B3GAT2: variants seen among roughly 807,000 people sequenced by gnomAD.
B3GAT2 encodes beta-1,3-glucuronyltransferase 2, also known as galactosylgalactosylxylosylprotein 3-beta-glucuronosyltransferase 2.
In B3GAT2, 26 loss-of-function variants were observed where a neutral mutation model predicts 27.8. That is an observed-to-expected ratio of 0.93 (90% confidence interval 0.68 to 1.30). The LOEUF (loss-of-function observed/expected upper bound fraction) is 1.30. B3GAT2 is among the 50% of genes most tolerant of loss of function. B3GAT2 has a pLI of 0.00. For missense variants in B3GAT2, 458 were observed against 459.0 expected, an observed-to-expected ratio of 1.00 and a Z score of 0.02; for synonymous variants, 218 against 195.1, an observed-to-expected ratio of 1.12 and a Z score of -0.98.
intron 1 of B3GAT2, among the ~76,000 whole-genome samples, chr6:70,945,331 T>A (rs1253771702): frequency 6.6e-6 from 1 of 151,936 alleles, no homozygotes; most frequent in African/African-American, 2.4e-5. Context: ...TTGAAAAAAA[T>A]TTAGACGAAT....
At chr6:70,914,670 A>G (rs1464954952) in intron 1 of B3GAT2, among the ~76,000 whole-genome samples, 1 of 152,090 alleles carries the variant, frequency 6.6e-6, no homozygotes, top group Non-Finnish European at 1.5e-5. Flanking sequence ...TTACTAGTAA[A>G]CTGCCTGACA....
At chr6:70,935,115 G>A (rs532529797) in intron 1 of B3GAT2, among the ~76,000 whole-genome samples, 37 of 151,840 alleles carry the variant, frequency 2.4e-4, no homozygotes, top group Non-Finnish European at 5.0e-4. Context: ...AAATTCTGAG[G>A]AGGAATGAAG....
chr6:70,943,835 G>A (rs554182367), intron 1 of B3GAT2, among the ~76,000 whole-genome samples: 1 of 152,050 alleles, frequency 6.6e-6, no homozygotes, highest in African/African-American at 2.4e-5. Flanking sequence ...TTTGGTCAAA[G>A]GATACAAAAT....
intron 2 of B3GAT2, among the ~76,000 whole-genome samples, chr6:70,871,222 G>GTT (rs11367700): frequency 1.5e-5 from 1 of 65,630 alleles, no homozygotes; most frequent in Non-Finnish European, 3.7e-5. Context: ...TTTTTTTTTT[G>GTT]TTTTTTTTTT....
At chr6:70,895,495 A>ATTTTTT (rs59066944) in intron 1 of B3GAT2, among the ~76,000 whole-genome samples, 2 of 76,614 alleles carry the variant, frequency 2.6e-5, no homozygotes, top group African/African-American at 6.0e-5. Context: ...CAAAAAGGGG[A>ATTTTTT]TTTTTTTTTT....
At chr6:70,922,679 G>T (rs2881682) in intron 1 of B3GAT2, among the ~76,000 whole-genome samples, 19,061 of 151,834 alleles carry the variant, frequency 0.13, 2,235 homozygotes, top group African/African-American at 0.31. Flanking sequence ...AATGCCTAGG[G>T]TGAAGTGTAA....
chr6:70,924,236 T>G (rs1481629025), intron 1 of B3GAT2, among the ~76,000 whole-genome samples: 2 of 152,000 alleles, frequency 1.3e-5, no homozygotes, highest in African/African-American at 2.4e-5. Context: ...CTAAAAACTA[T>G]GAAACACTGG....
At chr6:70,925,479 C>T (rs907356266) in intron 1 of B3GAT2, among the ~76,000 whole-genome samples, 1 of 152,198 alleles carries the variant, frequency 6.6e-6, no homozygotes, top group Non-Finnish European at 1.5e-5. Context: ...TCTTAGCAAA[C>T]GGCACACCAG....
chr6:70,927,179 C>A (rs968741646), intron 1 of B3GAT2, among the ~76,000 whole-genome samples: 1 of 152,146 alleles, frequency 6.6e-6, no homozygotes, highest in Non-Finnish European at 1.5e-5. Flanking sequence ...GAAGGAAGAA[C>A]TAAACATGGA....
At chr6:70,931,340 A>T (rs868114165) in intron 1 of B3GAT2, among the ~76,000 whole-genome samples, 1 of 152,216 alleles carries the variant, frequency 6.6e-6, no homozygotes, top group African/African-American at 2.4e-5. Context: ...AATAATAAAA[A>T]AAGAAAAAAA....
intron 2 of B3GAT2, among the ~76,000 whole-genome samples, chr6:70,885,230 C>T (rs1772165719): frequency 6.6e-6 from 1 of 152,012 alleles, no homozygotes; most frequent in Non-Finnish European, 1.5e-5. Context: ...CCCTATGTGC[C>T]ATCAGGAATT....
chr6:70,942,131 A>T (rs1036924922), intron 1 of B3GAT2, among the ~76,000 whole-genome samples: 1 of 152,206 alleles, frequency 6.6e-6, no homozygotes, highest in African/African-American at 2.4e-5. Flanking sequence ...ATGCAAAAAA[A>T]TAAAAAGGAA....
intron 2 of B3GAT2, among the ~76,000 whole-genome samples, chr6:70,887,428 G>T (rs1052756461): frequency 6.6e-6 from 1 of 152,106 alleles, no homozygotes; most frequent in Non-Finnish European, 1.5e-5. Context: ...CAGTTTCATG[G>T]TCATCATTTA....
At chr6:70,862,043 A>G (rs1338537142) in intron 2 of B3GAT2, 65 bp from the exon 3 acceptor site, 10 of 1,470,608 alleles carry the variant, frequency 6.8e-6, no homozygotes, top group African/African-American at 2.9e-5. Context: ...TTTTTTCTGT[A>G]TAATTTTGGT....
intron 1 of B3GAT2, among the ~76,000 whole-genome samples, chr6:70,917,770 T>C (rs1174503743): frequency 6.6e-6 from 1 of 152,236 alleles, no homozygotes; most frequent in Non-Finnish European, 1.5e-5. Context: ...GACAGTTTGA[T>C]GTAATTTCTG....
chr6:70,951,293 C>A (rs1204489178), intron 1 of B3GAT2, among the ~76,000 whole-genome samples: 8 of 152,232 alleles, frequency 5.3e-5, no homozygotes, highest in African/African-American at 1.9e-4. Context: ...TTTGCTTTTG[C>A]AGCATGCCTT....
chr6:70,891,974 TAA>T (rs1194428414), intron 2 of B3GAT2, among the ~76,000 whole-genome samples: 1 of 152,044 alleles, frequency 6.6e-6, no homozygotes, highest in Non-Finnish European at 1.5e-5. Flanking sequence ...TACTTACACT[TAA>T]AGACTTCCAA....
chr6:70,894,354 T>G, intron 1 of B3GAT2, 82 bp from the exon 2 acceptor site: 1 of 1,388,884 alleles, frequency 7.2e-7, no homozygotes, highest in Non-Finnish European at 9.7e-7. Flanking sequence ...GTAGAAGAAG[T>G]AGGGCTGGTA....
intron 1 of B3GAT2, among the ~76,000 whole-genome samples, chr6:70,915,625 G>A (rs924200655): frequency 6.6e-6 from 1 of 152,102 alleles, no homozygotes; most frequent in Non-Finnish European, 1.5e-5. Flanking sequence ...TCTACATATG[G>A]CTAGCCTGTT....
Sources: allele counts gnomAD v4.1 joint callset (sites outside exome capture counted in the v4.1 genomes callset), GRCh38; gene constraint gnomAD v4.1.1; transcripts MANE v1.5; gene names NCBI Gene and HGNC (gene_info 2026-07-23, HGNC 2026-07-21).